SORCS3: variants seen among roughly 807,000 people sequenced by gnomAD.
SORCS3 encodes sortilin related VPS10 domain containing receptor 3.
SORCS3 carries 57 observed loss-of-function variants against 146.3 expected under a neutral mutation model. The ratio of observed to expected loss-of-function variants is 0.39; its 90% CI spans 0.31 to 0.49. The LOEUF is 0.49. Among genes scored for constraint, SORCS3 ranks in the 20% least tolerant of loss-of-function variants. SORCS3 has a pLI of 0.92. For missense variants in SORCS3, 1,341 were observed against 1,575.5 expected, an observed-to-expected ratio of 0.85 and a Z score of 2.52; for synonymous variants, 653 against 618.5, an observed-to-expected ratio of 1.06 and a Z score of -0.83.
chr10:105,160,302 G>T (rs2056251304), intron 11 of SORCS3, among the ~76,000 whole-genome samples: 1 of 152,152 alleles, frequency 6.6e-6, no homozygotes, highest in African/African-American at 2.4e-5. Flanking sequence ...TAATAGAATT[G>T]CAGGATATAA....
intron 1 of SORCS3, among the ~76,000 whole-genome samples, chr10:104,783,623 A>T (rs2133494151): frequency 6.6e-6 from 1 of 152,314 alleles, no homozygotes; most frequent in African/African-American, 2.4e-5. Context: ...GCTACTCAGA[A>T]GGCTGAGGTG....
intron 13 of SORCS3, among the ~76,000 whole-genome samples, chr10:105,168,896 T>C (rs1198576590): frequency 2.6e-5 from 4 of 152,158 alleles, no homozygotes; most frequent in Non-Finnish European, 5.9e-5. Flanking sequence ...AGGAGCGCTC[T>C]CCCACCTCAA....
intron 4 of SORCS3, among the ~76,000 whole-genome samples, chr10:105,003,404 T>A (rs767816668): frequency 5.9e-5 from 9 of 152,104 alleles, no homozygotes; most frequent in Non-Finnish European, 1.3e-4. Flanking sequence ...ACCCTAGATG[T>A]GTCACTGCCC....
At chr10:104,728,466 G>T (rs1405512217) in intron 1 of SORCS3, among the ~76,000 whole-genome samples, 1 of 152,184 alleles carries the variant, frequency 6.6e-6, no homozygotes, top group Admixed American at 6.5e-5. Flanking sequence ...GGGAGTTTGT[G>T]TGTGTCAGGG....
At chr10:104,663,456 T>G (rs1433467014) in intron 1 of SORCS3, among the ~76,000 whole-genome samples, 14 of 152,142 alleles carry the variant, frequency 9.2e-5, no homozygotes, top group Non-Finnish European at 1.5e-5. Flanking sequence ...GAAAGAGACT[T>G]CGAAGGCCAT....
At chr10:104,839,877 C>T (rs1778326062) in intron 1 of SORCS3, among the ~76,000 whole-genome samples, 1 of 152,126 alleles carries the variant, frequency 6.6e-6, no homozygotes, top group South Asian at 2.1e-4. Flanking sequence ...ATCTGACCCC[C>T]CGGTGAAGGA....
chr10:104,816,580 A>C (rs1465192814), intron 1 of SORCS3, among the ~76,000 whole-genome samples: 7 of 152,190 alleles, frequency 4.6e-5, no homozygotes, highest in Admixed American at 4.6e-4. Context: ...CAAGTGCAGG[A>C]AGTTTGTGGT....
intron 1 of SORCS3, among the ~76,000 whole-genome samples, chr10:104,813,656 T>C (rs1306155617): frequency 2.0e-5 from 3 of 152,166 alleles, no homozygotes; most frequent in East Asian, 3.9e-4. Flanking sequence ...TTAGCCTCTC[T>C]TCATGGGTTG....
At chr10:104,979,329 T>C (rs2054919811) in intron 4 of SORCS3, among the ~76,000 whole-genome samples, 1 of 152,210 alleles carries the variant, frequency 6.6e-6, no homozygotes, top group Non-Finnish European at 1.5e-5. Context: ...TTAGATGATT[T>C]CCTCTTTGTA....
At chr10:104,920,683 C>T (rs887122638) in intron 3 of SORCS3, among the ~76,000 whole-genome samples, 1 of 152,200 alleles carries the variant, frequency 6.6e-6, no homozygotes, top group African/African-American at 2.4e-5. Flanking sequence ...CTGGAGGTAG[C>T]TGAGATTTAG....
chr10:104,722,611 A>C (rs1409799535), intron 1 of SORCS3, among the ~76,000 whole-genome samples: 8 of 152,142 alleles, frequency 5.3e-5, no homozygotes, highest in Middle Eastern at 3.4e-3. Context: ...CTGGTCCTGG[A>C]CTTTTTTTGG....
intron 5 of SORCS3, among the ~76,000 whole-genome samples, chr10:105,062,283 C>G (rs184708451): frequency 6.6e-6 from 1 of 152,108 alleles, no homozygotes; most frequent in South Asian, 2.1e-4. Context: ...TGGGGTTGGC[C>G]GCAGACTGTG....
At chr10:104,868,138 C>T (rs1216524922) in intron 2 of SORCS3, among the ~76,000 whole-genome samples, 1 of 152,198 alleles carries the variant, frequency 6.6e-6, no homozygotes, top group Non-Finnish European at 1.5e-5. Flanking sequence ...ACATTTCCAC[C>T]TTCACTCTGA....
intron 3 of SORCS3, among the ~76,000 whole-genome samples, chr10:104,924,861 T>C (rs1284713679): frequency 3.3e-5 from 5 of 152,242 alleles, no homozygotes; most frequent in Non-Finnish European, 5.9e-5. Context: ...TTCTTAATAC[T>C]GTCCACTAGC....
chr10:104,716,547 G>T (rs1162739385), intron 1 of SORCS3, among the ~76,000 whole-genome samples: 1 of 152,090 alleles, frequency 6.6e-6, no homozygotes, highest in Non-Finnish European at 1.5e-5. Flanking sequence ...GAGAGACAGG[G>T]AGACAGGGAG....
At chr10:104,978,174 C>G (rs1211144250) in intron 4 of SORCS3, among the ~76,000 whole-genome samples, 1 of 152,162 alleles carries the variant, frequency 6.6e-6, no homozygotes, top group Non-Finnish European at 1.5e-5. Flanking sequence ...ACCCTCCAAG[C>G]TAGAAGCTAG....
intron 3 of SORCS3, among the ~76,000 whole-genome samples, chr10:104,975,445 T>A (rs1221203439): frequency 6.6e-6 from 1 of 152,172 alleles, no homozygotes; most frequent in African/African-American, 2.4e-5. Flanking sequence ...TCCATGCTCA[T>A]GGGTAGGAAG....
chr10:105,179,877 C>A (rs899914282), intron 14 of SORCS3, among the ~76,000 whole-genome samples: 1 of 152,172 alleles, frequency 6.6e-6, no homozygotes, highest in Non-Finnish European at 1.5e-5. Context: ...GAATGCTTAG[C>A]TTTGCCGTTG....
At chr10:105,262,252 C>T (rs1379332199) in intron 25 of SORCS3, 79 bp from the exon 26 acceptor site, 11 of 1,357,674 alleles carry the variant, frequency 8.1e-6, no homozygotes, top group South Asian at 1.2e-5. Context: ...TCTTCCTCCC[C>T]TTATCCCCCA....
Sources: gnomAD v4.1 joint callset for allele counts (sites outside exome capture counted in the v4.1 genomes callset) on GRCh38, gnomAD v4.1.1 for gene constraint, MANE v1.5 for transcripts, NCBI Gene and HGNC (gene_info 2026-07-23, HGNC 2026-07-21) for gene names.